The following MVD variants were observed in gnomAD, a reference collection of about 807,000 sequenced individuals.
MVD encodes diphosphomevalonate decarboxylase.
A neutral mutation model predicts 42.4 loss-of-function variants in MVD; 52 were observed. The ratio of observed to expected loss-of-function variants is 1.23; its 90% confidence interval spans 0.98 to 1.55. MVD has a LOEUF of 1.55. Among genes scored for constraint, MVD ranks in the 40% most tolerant of loss-of-function variants. MVD has a pLI of 0.00. For synonymous variants in MVD, 287 were observed against 243.2 expected, an observed-to-expected ratio of 1.18 and a Z score of -1.68; for missense variants, 663 against 572.1, an observed-to-expected ratio of 1.16 and a Z score of -1.62.
intron 9 of MVD, among the ~76,000 whole-genome samples, chr16:88,652,833 G>A (rs567623753): frequency 6.6e-6 from 1 of 152,330 alleles, no homozygotes; most frequent in South Asian, 2.1e-4. Context: ...CTGTCACAGG[G>A]GGGACAGAGA....
intron 5 of MVD, 94 bp downstream of exon 5, chr16:88,656,011 C>T: frequency 6.7e-7 from 1 of 1,481,834 alleles, no homozygotes; most frequent in Non-Finnish European, 9.0e-7. Flanking sequence ...CCAAGCAAAG[C>T]CTGGATGGAC....
Position 88,655,349 on chromosome 16 carries a change from G to A in MVD, c.747C>T (p.Phe249=). 1 of 1,602,722 alleles carries A rather than the reference G, an allele frequency of 6.2e-7. No homozygotes were observed. Among genetic ancestry groups the A allele is most frequent in the Non-Finnish European group, 8.5e-7 (1 of 1,175,166 alleles). The change falls in exon 7 of 10, where the codon TTC becomes TTT. Residue 249 remains phenylalanine, a synonymous_variant. Coordinates refer to ENST00000301012, the MANE Select transcript of MVD (RefSeq NM_002461.3). The stretch of plus-strand genomic sequence containing the variant: ...TCATGGTCAGCTGGGCGAAGCTGGG[G>A]AAGTCTCGCTCCCGGATGCAGCGGG... The part of the protein sequence containing the change: ...EMARCIRERD[F]PSFAQLTMKD...
chr16:88,657,811 C>T (rs780937666), intron 3 of MVD, 104 bp downstream of exon 3: 73 of 1,343,572 alleles, frequency 5.4e-5, no homozygotes, highest in Non-Finnish European at 7.3e-5. Context: ...TTCCCAGCCA[C>T]CCCGCCTGCT....
At chr16:88,662,798 C>T (rs1443899577) in intron 1 of MVD, 2 of 1,473,598 alleles carry the variant, frequency 1.4e-6, no homozygotes, top group Admixed American at 2.4e-5. Context: ...GGGCGGCAGC[C>T]GTCGCGGGGG....
intron 4 of MVD, 74 bp from the exon 5 acceptor site, chr16:88,656,378 G>A (rs1275740936): frequency 9.9e-6 from 15 of 1,511,432 alleles, no homozygotes; most frequent in Non-Finnish European, 1.3e-5. Context: ...ACCGCCCCAG[G>A]AACGTCCCAC....
At position 88,658,109 on chromosome 16, in the gene MVD, G is replaced by A. The variant is rs1908058096; in HGVS notation, c.142-80C>T. ...CCAGGTACCCCTTTCTACTGAGAGA[G>A]CCTCATGGCTGCCCACTCGAGCAAG... On this transcript the variant is annotated intron_variant, in intron 2 of 9. Coordinates refer to ENST00000301012, the MANE Select transcript of MVD (RefSeq NM_002461.3). The A allele has an allele frequency of 1.1e-5, 15 of 1,400,972 alleles. 1 individual carries two copies. In the Middle Eastern group the frequency reaches 2.0e-3, roughly 185 times the overall value. The allele number at this position is 1,400,972 out of a possible 1,614,324, so 86.8% of individuals were successfully genotyped here.
At chr16:88,657,705 G>T in intron 3 of MVD, 123 bp from the exon 4 acceptor site, 1 of 1,434,724 alleles carries the variant, frequency 7.0e-7, no homozygotes, top group Non-Finnish European at 9.4e-7. Context: ...CTCGTGGAGA[G>T]TTTCTTACCC....
Position 88,654,755 on chromosome 16 carries a change from T to C in MVD, c.950A>G (p.Asp317Gly), listed in dbSNP as rs1907797971. 1 of 1,600,504 alleles carries C rather than the reference T, an allele frequency of 6.2e-7. No homozygotes were observed. ...GPNAVIFTLD[D>G]TVAEFVAAVW... ...AGCAGCCACAAACTCAGCCACAGTG[T>C]CGTCCAGGGTGAAGATCACGGCATT... Residue 317 changes from aspartate (D) to glycine (G), a missense_variant, in exon 8 of 10, where the codon GAC (aspartate) becomes GGC (glycine). By Grantham distance (94) the Asp-to-Gly change is moderately conservative. Transcript: ENST00000301012.
At chr16:88,658,062 C>A in intron 2 of MVD, 33 bp from the exon 3 acceptor site, 2 of 1,600,480 alleles carry the variant, frequency 1.2e-6, no homozygotes, top group East Asian at 2.2e-5. Flanking sequence ...CCTCAGAGGC[C>A]AGCATTGAGG....
chr16:88,653,740 AG>A (rs1395043915), intron 8 of MVD, among the ~76,000 whole-genome samples: 2 of 152,116 alleles, frequency 1.3e-5, no homozygotes, highest in Non-Finnish European at 2.9e-5. Flanking sequence ...GGTGCTGCCA[AG>A]CCCCATGGGG....
chr16:88,656,240 T>C lies in MVD; in HGVS notation c.468A>G (p.Ser156=), dbSNP rs776801924. 6.3e-7 allele frequency: 1 copy of C among 1,599,800 alleles called. No individual in the cohort carries two copies. Among genetic ancestry groups the C allele is most frequent in the South Asian group, 1.1e-5 (1 of 91,080 alleles). The part of the protein sequence containing the change: ...SDLSEVARRG[S]GSACRSLYGG... The stretch of plus-strand genomic sequence containing the variant: ...CATACAGGCTCCGGCAGGCGCTGCC[T>C]GAGCCCCGGCGAGCCACTTCTGAGA... Residue 156 remains serine (S), a synonymous_variant, in exon 5 of 10, where the codon TCA becomes TCG. Coordinates refer to ENST00000301012, the MANE Select transcript of MVD (RefSeq NM_002461.3).
chr16:88,662,429 G>A (rs1028235045), intron 1 of MVD, among the ~76,000 whole-genome samples: 2 of 152,256 alleles, frequency 1.3e-5, no homozygotes, highest in African/African-American at 4.8e-5. Flanking sequence ...GTCAGTGGCG[G>A]CCAGGTAACC....
At chr16:88,655,880 C>T in intron 5 of MVD, 150 bp from the exon 6 acceptor site, 1 of 1,140,216 alleles carries the variant, frequency 8.8e-7, no homozygotes, top group East Asian at 2.6e-5. Context: ...CTCCCGGCCA[C>T]AGCAGGGGTG....
chr16:88,663,004 C>A lies in MVD; in HGVS notation c.70+7G>T. Reference sequence around the variant, plus strand: ...ATCCCCGTCCCAGGCCGGCCCGCGGCACTCACAGTACTTGATGACCGCGAT... The same window carrying A: ...ATCCCCGTCCCAGGCCGGCCCGCGGAACTCACAGTACTTGATGACCGCGAT... On this transcript the variant is annotated splice_region_variant and intron_variant, in intron 1 of 9. Transcript: ENST00000301012. 6.3e-7 allele frequency: 1 copy of A among 1,599,178 alleles called. No homozygotes were observed. Among genetic ancestry groups the A allele is most frequent in the Non-Finnish European group, 8.5e-7 (1 of 1,173,806 alleles).
chr16:88,653,771 C>T (rs1907728519), intron 8 of MVD, among the ~76,000 whole-genome samples: 1 of 152,096 alleles, frequency 6.6e-6, no homozygotes, highest in African/African-American at 2.4e-5. Context: ...AGGGAAGCGC[C>T]CAATTCAAGC....
At chr16:88,662,912 G>A in intron 1 of MVD, 99 bp downstream of exon 1, 3 of 1,527,378 alleles carry the variant, frequency 2.0e-6, no homozygotes, top group Non-Finnish European at 2.6e-6. Context: ...GAGGCCCTGG[G>A]AGGGCAGGAC....
At chr16:88,652,729 G>T in intron 9 of MVD, 124 bp from the exon 10 acceptor site, 1 of 936,120 alleles carries the variant, frequency 1.1e-6, no homozygotes, top group Non-Finnish European at 1.6e-6. Context: ...GTCCTGGTCA[G>T]AAGGTAAAGC....
In MVD at chr16:88,652,337, G is replaced by A. The variant is rs1178503081; in HGVS notation, c.*188C>T. ...CAGCTTAGGGCAGCTGAAGCACTCG[G>A]CGGGGACCTCTCCTGACACCTGGGC... is the stretch of plus-strand genomic sequence containing the variant. On this transcript the variant is annotated 3_prime_UTR_variant, in exon 10 of 10. Coordinates refer to ENST00000301012, the MANE Select transcript of MVD (RefSeq NM_002461.3). 7 of 658,758 alleles carry A rather than the reference G, an allele frequency of 1.1e-5. No homozygotes were observed. The highest frequency in any genetic ancestry group is 1.7e-5 in the South Asian group (1 of 57,906). The allele number at this position is 658,758 out of a possible 1,614,324, so 40.8% of individuals were successfully genotyped here.
At chr16:88,657,721 A>G (rs910165702) in intron 3 of MVD, 139 bp from the exon 4 acceptor site, 78 of 1,367,320 alleles carry the variant, frequency 5.7e-5, no homozygotes, top group Non-Finnish European at 1.4e-5. Context: ...TACCCGGGAA[A>G]ACCCCAGACT....
Sources: gnomAD v4.1 joint callset for allele counts (sites outside exome capture counted in the v4.1 genomes callset) on GRCh38, gnomAD v4.1.1 for gene constraint, MANE v1.5 for transcripts, NCBI Gene and HGNC (gene_info 2026-07-23, HGNC 2026-07-21) for gene names.